The following DNAH12 variants were observed in gnomAD, a reference collection of about 807,000 sequenced individuals.
DNAH12 encodes dynein axonemal heavy chain 12.
Under a neutral mutation model 371.5 loss-of-function variants are expected in DNAH12, and 285 were observed. That is an observed-to-expected ratio of 0.77 (90% CI 0.70 to 0.85). DNAH12 has a LOEUF of 0.85. Among genes scored for constraint, DNAH12 ranks in the 40% least tolerant of loss-of-function variants. DNAH12 has a pLI of 0.00. For missense variants in DNAH12, 3,611 were observed against 3,689.4 expected (o/e 0.98, Z 0.55); for synonymous variants, 1,200 against 1,213.0 (o/e 0.99, Z 0.22).
At chr3:57,339,623 G>GA (rs1234773560) in intron 60 of DNAH12, among the ~76,000 whole-genome samples, 168 of 151,568 alleles carry the variant, frequency 1.1e-3, no homozygotes, top group African/African-American at 3.9e-3. Context: ...ATAAAACTTT[G>GA]AAAAAAAATT....
chr3:57,355,978 C>G (rs1202682801), intron 59 of DNAH12, among the ~76,000 whole-genome samples: 7 of 152,100 alleles, frequency 4.6e-5, no homozygotes, highest in Non-Finnish European at 7.3e-5. Context: ...TTATTATTAT[C>G]CCAATTTTAT....
chr3:57,457,173 A>G (rs1187293129), intron 22 of DNAH12, among the ~76,000 whole-genome samples: 2 of 152,170 alleles, frequency 1.3e-5, no homozygotes, highest in African/African-American at 4.8e-5. Flanking sequence ...TATAAATCAG[A>G]CTATGTCCCT....
At chr3:57,476,012 A>G (rs1271088817) in intron 13 of DNAH12, among the ~76,000 whole-genome samples, 1 of 152,228 alleles carries the variant, frequency 6.6e-6, no homozygotes, top group Non-Finnish European at 1.5e-5. Context: ...AATATCCAGA[A>G]CAGTAAAATT....
At chr3:57,410,992 C>T (rs2064183846) in intron 39 of DNAH12, among the ~76,000 whole-genome samples, 1 of 151,902 alleles carries the variant, frequency 6.6e-6, no homozygotes, top group African/African-American at 2.4e-5. Flanking sequence ...CTCATGACTT[C>T]TTTTCAACAT....
At chr3:57,431,531 GCTC>G in intron 32 of DNAH12, among the ~76,000 whole-genome samples, 1 of 152,192 alleles carries the variant, frequency 6.6e-6, no homozygotes, top group Middle Eastern at 3.4e-3. Context: ...TACTACACTT[GCTC>G]CTCATTTTCC....
chr3:57,533,352 G>C lies in DNAH12; in HGVS notation c.170+9349C>G, dbSNP rs952092647. On this transcript the variant is annotated intron_variant, in intron 2 of 73. Transcript: ENST00000495027. ...CCACTGTGCCCTACCTGCTACCTAA[G>C]ACGCAAAACAAATTTCCCTTTACTT... Among the ~76,000 whole-genome samples the C allele has an allele frequency of 2.0e-5, 3 of 152,128 alleles. No individual in the cohort carries two copies. The South Asian group carries it at 6.2e-4, about 31-fold the overall frequency.
At position 57,334,589 on chromosome 3, in the gene DNAH12, A is replaced by T; in HGVS notation, c.9854T>A (p.Ile3285Lys). The T allele has an allele frequency of 6.5e-7, 1 of 1,540,678 alleles. No homozygotes were observed. Among genetic ancestry groups the T allele is most frequent in the Non-Finnish European group, 8.7e-7 (1 of 1,144,690 alleles). Residue 3285 changes from isoleucine (I) to lysine (K), a missense_variant, in exon 62 of 74, where the codon ATA becomes AAA. Coordinates refer to ENST00000495027, the MANE Select transcript of DNAH12 (RefSeq NM_001366028.2). The part of the protein sequence containing the change: ...RGLRQHFCEH[I>K]YEWREIYDSK... The stretch of plus-strand genomic sequence containing the variant: ...GTCATAGATTTCTCGCCATTCATAT[A>T]TATGTTCACAAAAATGTTGCCTAAT...
chr3:57,363,263 T>C (rs1386251313), intron 58 of DNAH12, among the ~76,000 whole-genome samples: 5 of 152,074 alleles, frequency 3.3e-5, no homozygotes, highest in African/African-American at 1.2e-4. Flanking sequence ...CCAATACTTC[T>C]AATAATACCT....
intron 25 of DNAH12, among the ~76,000 whole-genome samples, chr3:57,447,026 A>G (rs1265835515): frequency 6.6e-6 from 1 of 152,194 alleles, no homozygotes; most frequent in Non-Finnish European, 1.5e-5. Context: ...CAATAATGAC[A>G]CATTCTAGAT....
intron 49 of DNAH12, 102 bp downstream of exon 49, chr3:57,384,727 A>G (rs1389970188): frequency 1.3e-5 from 2 of 152,216 alleles, no homozygotes; most frequent in Non-Finnish European, 1.5e-5. Flanking sequence ...CAAAAACAAT[A>G]TAATATCACC....
In DNAH12 at chr3:57,297,114, C is replaced by T. The variant is rs1256866529; in HGVS notation, c.11395-130G>A. The T allele has an allele frequency of 2.3e-5, 23 of 986,094 alleles. No homozygotes were observed. In the East Asian group the frequency reaches 4.5e-4, roughly 19 times the overall value. The allele number at this position is 986,094 out of a possible 1,614,324, so 61.1% of individuals were successfully genotyped here. A position where few individuals can be genotyped will look rare whatever the true frequency, so the allele number is the denominator to read the frequency against. ...TCCATCACGAGGCCCTCTTCCCTGA[C>T]GTCAAACACACAGCCTACCTTGGCC... is the stretch of plus-strand genomic sequence containing the variant. On this transcript the variant is annotated intron_variant, in intron 70 of 73. Transcript: ENST00000495027.
rs1174226237 is a variant in DNAH12, at chr3:57,462,774, A to G, written c.2451T>C (p.Ser817=). The G allele has an allele frequency of 6.4e-7, 1 of 1,551,572 alleles. No individual in the cohort carries two copies. Among genetic ancestry groups the G allele is most frequent in the Admixed American group, 2.0e-5 (1 of 50,998 alleles). Residue 817 remains serine (S), a synonymous_variant, in exon 18 of 74, where the codon TCT becomes TCC. Coordinates refer to ENST00000495027, the MANE Select transcript of DNAH12 (RefSeq NM_001366028.2). ...TTAAAACTTTTCTCAGTGTAGTTCCAGAGTCTGGAGTCAAGTCATAGCCTA... is the reference window on the plus strand; with the variant it reads ...TTAAAACTTTTCTCAGTGTAGTTCCGGAGTCTGGAGTCAAGTCATAGCCTA... The part of the protein sequence containing the change: ...EIVGYDLTPD[S]GTTLRKVLKL...
intron 60 of DNAH12, among the ~76,000 whole-genome samples, chr3:57,340,501 C>T (rs1349045457): frequency 6.6e-6 from 1 of 151,960 alleles, no homozygotes; most frequent in African/African-American, 2.4e-5. Flanking sequence ...TACAAAAGAT[C>T]ATCAGAGACT....
chr3:57,390,196 G>A (rs2063585895), intron 45 of DNAH12, among the ~76,000 whole-genome samples: 1 of 145,982 alleles, frequency 6.9e-6, no homozygotes, highest in Admixed American at 6.8e-5. Context: ...CCAGGACTTT[G>A]GGAGGCTGAG....
At chr3:57,327,279 C>T (rs960138486) in intron 62 of DNAH12, among the ~76,000 whole-genome samples, 5 of 151,696 alleles carry the variant, frequency 3.3e-5, no homozygotes, top group African/African-American at 1.2e-4. Flanking sequence ...CCACACTACA[C>T]CTATTCCAAA....
chr3:57,409,396 C>T (rs781892684), intron 39 of DNAH12, among the ~76,000 whole-genome samples: 5 of 151,960 alleles, frequency 3.3e-5, no homozygotes, highest in Non-Finnish European at 5.9e-5. Context: ...AAGTAAATTA[C>T]GGTGACATCC....
intron 69 of DNAH12, among the ~76,000 whole-genome samples, chr3:57,305,649 G>C (rs1292923462): frequency 1.3e-5 from 2 of 152,088 alleles, no homozygotes; most frequent in Admixed American, 1.3e-4. Context: ...CGGCAACCCT[G>C]AGACGCTTTA....
chr3:57,446,740 A>G, intron 25 of DNAH12, 51 bp from the exon 26 acceptor site: 2 of 1,390,116 alleles, frequency 1.4e-6, no homozygotes, highest in South Asian at 1.9e-5. Context: ...ATTTAAAAAA[A>G]CAACAGACAC....
intron 35 of DNAH12, among the ~76,000 whole-genome samples, chr3:57,424,485 A>AAT (rs1042294099): frequency 6.7e-6 from 1 of 150,352 alleles, no homozygotes; most frequent in African/African-American, 2.5e-5. Flanking sequence ...AAAAAAAAAA[A>AAT]ATTGGATAGT....
Sources: gnomAD v4.1 joint callset for allele counts (sites outside exome capture counted in the v4.1 genomes callset) on GRCh38, gnomAD v4.1.1 for gene constraint, MANE v1.5 for transcripts, NCBI Gene and HGNC (gene_info 2026-07-23, HGNC 2026-07-21) for gene names.